The following GCH1 variants were observed in gnomAD, a reference collection of about 807,000 sequenced individuals.
The protein encoded by GCH1 is GTP cyclohydrolase I.
In GCH1, 5 loss-of-function variants were observed where a neutral mutation model predicts 25.9. The observed-to-expected ratio is 0.19, with a 90% CI of 0.10 to 0.41. The LOEUF (loss-of-function observed/expected upper bound fraction) is 0.41, where lower values mean the gene tolerates loss of function less well. Among genes scored for constraint, GCH1 ranks in the 10% least tolerant of loss-of-function variants. The pLI, the probability that GCH1 is intolerant of heterozygous loss-of-function variation, is 1.00. For synonymous variants in GCH1, 159 were observed against 129.6 expected (o/e 1.23, Z -1.54); for missense variants, 261 against 336.5 (o/e 0.78, Z 1.75).
At chr14:54,898,643 G>A (rs772530175) in intron 1 of GCH1, among the ~76,000 whole-genome samples, 6 of 151,430 alleles carry the variant, frequency 4.0e-5, no homozygotes, top group East Asian at 1.9e-4. Flanking sequence ...CTGTTGAGAC[G>A]GAGTCTCACT....
At chr14:54,846,557 G>A (rs962907199) in intron 4 of GCH1, among the ~76,000 whole-genome samples, 1 of 152,148 alleles carries the variant, frequency 6.6e-6, no homozygotes, top group Non-Finnish European at 1.5e-5. Context: ...TGTATAAAAT[G>A]AGCCCATTTT....
intron 1 of GCH1, among the ~76,000 whole-genome samples, chr14:54,880,486 T>C (rs1365004212): frequency 5.4e-5 from 6 of 110,756 alleles, no homozygotes; most frequent in Non-Finnish European, 9.8e-5. Context: ...ATACACTCCA[T>C]ATATATATAT....
At position 54,902,816 on chromosome 14, in the gene GCH1, G is replaced by C. The variant is rs567841653; in HGVS notation, c.-153C>G. 41 of 1,055,270 alleles carry C rather than the reference G, an allele frequency of 3.9e-5. No individual in the cohort carries two copies. The African/African-American group carries it at 6.3e-4, about 16-fold the overall frequency. The allele number at this position is 1,055,270 out of a possible 1,614,324, so 65.4% of individuals were successfully genotyped here. Reference sequence around the variant, plus strand: ...TTAGATCACACTCCGAGCCGGGAGCGGCCACAGGCTGGAAAGCCCGGCCGC... The same window carrying C: ...TTAGATCACACTCCGAGCCGGGAGCCGCCACAGGCTGGAAAGCCCGGCCGC... On this transcript the variant is annotated 5_prime_UTR_variant, in exon 1 of 6. Coordinates refer to ENST00000491895, the MANE Select transcript of GCH1 (RefSeq NM_000161.3).
intron 1 of GCH1, among the ~76,000 whole-genome samples, chr14:54,900,713 T>C (rs2040552483): frequency 1.3e-5 from 2 of 152,168 alleles, no homozygotes; most frequent in East Asian, 3.8e-4. Context: ...TACAGAACAC[T>C]GTCCTATGAA....
At chr14:54,859,247 C>A (rs1297969165) in intron 3 of GCH1, 2 of 192,136 alleles carry the variant, frequency 1.0e-5, no homozygotes, top group South Asian at 2.1e-4. Context: ...GTGAGCACTC[C>A]CCTTGACAAG....
chr14:54,871,653 G>C (rs923684216), intron 1 of GCH1, among the ~76,000 whole-genome samples: 12 of 152,202 alleles, frequency 7.9e-5, no homozygotes, highest in Non-Finnish European at 1.8e-4. Flanking sequence ...AGTCCTTAAA[G>C]GACCTGATGG....
chr14:54,865,359 A>G lies in GCH1; in HGVS notation c.421T>C (p.Cys141Arg). The G allele has an allele frequency of 6.4e-7, 1 of 1,572,470 alleles. No individual in the cohort carries two copies. Among genetic ancestry groups the G allele is most frequent in the Non-Finnish European group, 8.8e-7 (1 of 1,142,354 alleles). Residue 141 changes from cysteine (C) to arginine (R), a missense_variant, in exon 2 of 6, where the codon TGT becomes CGT. Around this residue, in one of 3 missense-constraint regions of GCH1, gnomAD observed 130 missense variants for 184.1 expected, o/e 0.71. Transcript: ENST00000491895. Reference sequence around the variant, plus strand: ...ACAAATGGAACCAAGTGATGCTCACACATGGAAAACATGTCTATGTCCTTC... The same window carrying G: ...ACAAATGGAACCAAGTGATGCTCACGCATGGAAAACATGTCTATGTCCTTC... ...IVKDIDMFSM[C>R]EHHLVPFVGK...
At chr14:54,884,439 T>A (rs959733020) in intron 1 of GCH1, among the ~76,000 whole-genome samples, 10 of 152,192 alleles carry the variant, frequency 6.6e-5, no homozygotes, top group African/African-American at 2.4e-4. Context: ...TTCCCTTCTC[T>A]TTTAGAGCAT....
intron 1 of GCH1, among the ~76,000 whole-genome samples, chr14:54,880,481 C>G: frequency 9.4e-6 from 1 of 106,336 alleles, no homozygotes; most frequent in Non-Finnish European, 1.8e-5. Flanking sequence ...TATATATACA[C>G]TCCATATATA....
intron 1 of GCH1, among the ~76,000 whole-genome samples, chr14:54,895,755 G>A (rs2140118340): frequency 6.6e-6 from 1 of 152,162 alleles, no homozygotes; most frequent in East Asian, 1.9e-4. Flanking sequence ...CTGGTCCAAG[G>A]ATCAGCTTGT....
At chr14:54,885,609 C>G (rs1449698974) in intron 1 of GCH1, 5 of 384,220 alleles carry the variant, frequency 1.3e-5, no homozygotes, top group Non-Finnish European at 2.5e-5. Flanking sequence ...GCTTGCAGCA[C>G]AAGGTGCAGT....
At chr14:54,871,962 G>A (rs1218811125) in intron 1 of GCH1, among the ~76,000 whole-genome samples, 2 of 151,972 alleles carry the variant, frequency 1.3e-5, no homozygotes, top group Admixed American at 6.6e-5. Flanking sequence ...ATCTAGCAAG[G>A]CAGGCCAACA....
chr14:54,882,636 T>G (rs993270355), intron 1 of GCH1, among the ~76,000 whole-genome samples: 1 of 152,006 alleles, frequency 6.6e-6, no homozygotes, highest in Non-Finnish European at 1.5e-5. Context: ...AAACAGATGG[T>G]GATAACAAGG....
chr14:54,862,295 C>A lies in GCH1; in HGVS notation c.454-2559G>T, dbSNP rs538141315. 2.0e-5 allele frequency among the ~76,000 whole-genome samples: 3 copies of A among 151,526 alleles called. No homozygotes were observed. The East Asian group carries it at 5.8e-4, about 29-fold the overall frequency. On this transcript the variant is annotated intron_variant, in intron 2 of 5. Coordinates refer to ENST00000491895, the MANE Select transcript of GCH1 (RefSeq NM_000161.3). ...ATCCTCCCACCTTGACTTCCCAAGT[C>A]GCTGGGATTACAGGCATGAGCCACC...
At chr14:54,902,155 C>G (rs1409415575) in intron 1 of GCH1, among the ~76,000 whole-genome samples, 166 bp downstream of exon 1, 1 of 152,218 alleles carries the variant, frequency 6.6e-6, no homozygotes, top group Non-Finnish European at 1.5e-5. Flanking sequence ...GTGCCCCACG[C>G]AGGGCCTCGG....
chr14:54,859,355 A>T (rs1370229535), intron 3 of GCH1: 1 of 343,436 alleles, frequency 2.9e-6, no homozygotes, highest in East Asian at 6.4e-5. Flanking sequence ...TGTTAGCTAA[A>T]CCCCCCTTAA....
chr14:54,877,916 C>T (rs2040186609), intron 1 of GCH1, among the ~76,000 whole-genome samples: 1 of 152,138 alleles, frequency 6.6e-6, no homozygotes, highest in African/African-American at 2.4e-5. Flanking sequence ...TCTGAGCAGA[C>T]CTGAGAATTT....
intron 1 of GCH1, among the ~76,000 whole-genome samples, chr14:54,898,009 C>T (rs2040512025): frequency 6.6e-6 from 1 of 152,172 alleles, no homozygotes; most frequent in Admixed American, 6.5e-5. Flanking sequence ...GCCTATTATT[C>T]CTAGGCTACA....
chr14:54,862,481 C>T (rs2140068838), intron 2 of GCH1, among the ~76,000 whole-genome samples: 1 of 144,844 alleles, frequency 6.9e-6, no homozygotes, highest in Admixed American at 7.2e-5. Context: ...CTCCTGGGTT[C>T]AAGCGATTCT....
Sources: allele counts gnomAD v4.1 joint callset (sites outside exome capture counted in the v4.1 genomes callset), GRCh38; gene constraint gnomAD v4.1.1; regional missense constraint gnomAD v4.1.1; transcripts MANE v1.5; gene names NCBI Gene and HGNC (gene_info 2026-07-23, HGNC 2026-07-21).